CARMIL1: variants seen among roughly 807,000 people sequenced by gnomAD.
The protein encoded by CARMIL1 is capping protein regulator and myosin 1 linker 1, also known as F-actin-uncapping protein LRRC16A.
CARMIL1 carries 90 observed loss-of-function variants against 177.1 expected under a neutral mutation model. The ratio of observed to expected loss-of-function variants is 0.51; its 90% CI spans 0.43 to 0.61. The LOEUF (loss-of-function observed/expected upper bound fraction) is 0.61. Among genes scored for constraint, CARMIL1 ranks in the 20% least tolerant of loss-of-function variants. The pLI is 0.00. For missense variants in CARMIL1, 1,380 were observed against 1,667.0 expected, an observed-to-expected ratio of 0.83 and a Z score of 3.00; for synonymous variants, 577 against 606.2, an observed-to-expected ratio of 0.95 and a Z score of 0.71.
At chr6:25,449,253 AG>A (rs1798548981) in intron 5 of CARMIL1, among the ~76,000 whole-genome samples, 1 of 152,220 alleles carries the variant, frequency 6.6e-6, no homozygotes, top group Non-Finnish European at 1.5e-5. Context: ...ATAACATCTC[AG>A]AAACTGACAA....
At chr6:25,535,650 G>A (rs1021971099) in intron 24 of CARMIL1, among the ~76,000 whole-genome samples, 9 of 152,156 alleles carry the variant, frequency 5.9e-5, no homozygotes, top group Admixed American at 6.5e-5. Flanking sequence ...GTCTTCTAAC[G>A]GGGTAACCCA....
chr6:25,374,127 G>T (rs981415072), intron 2 of CARMIL1, among the ~76,000 whole-genome samples: 1 of 152,136 alleles, frequency 6.6e-6, no homozygotes, highest in African/African-American at 2.4e-5. Flanking sequence ...ATGTTAGATT[G>T]TAAGTTTGTG....
At chr6:25,586,736 C>G (rs1030681706) in intron 31 of CARMIL1, among the ~76,000 whole-genome samples, 1 of 152,116 alleles carries the variant, frequency 6.6e-6, no homozygotes, top group African/African-American at 2.4e-5. Context: ...GCAGATCACT[C>G]GCGGTCAGGA....
chr6:25,485,316 G>T (rs1388350843), intron 12 of CARMIL1, among the ~76,000 whole-genome samples: 1 of 151,886 alleles, frequency 6.6e-6, no homozygotes, highest in Non-Finnish European at 1.5e-5. Flanking sequence ...TACAAATAAG[G>T]GTCCTCCCAT....
chr6:25,567,038 C>T lies in CARMIL1; in HGVS notation c.2742+10188C>T, dbSNP rs75366794. ...CAGCCAGGTGTGGTAGCTATTTTAA[C>T]CCATTTTTCAGATGAGACTCTTAGA... On this transcript the variant is annotated intron_variant, in intron 29 of 36. Coordinates refer to ENST00000329474, the MANE Select transcript of CARMIL1 (RefSeq NM_017640.6). 9.1e-3 allele frequency among the ~76,000 whole-genome samples: 1,387 copies of T among 152,306 alleles called. 15 individuals carry two copies. The highest frequency in any genetic ancestry group is 0.03 in the African/African-American group (1,253 of 41,572).
intron 16 of CARMIL1, 58 bp downstream of exon 16, chr6:25,495,273 G>A: frequency 8.5e-7 from 1 of 1,176,644 alleles, no homozygotes; most frequent in Non-Finnish European, 1.2e-6. Flanking sequence ...TTTTACGAAT[G>A]TGCTTGAGGG....
At chr6:25,553,789 C>T (rs762330643) in intron 27 of CARMIL1, among the ~76,000 whole-genome samples, 3 of 152,114 alleles carry the variant, frequency 2.0e-5, no homozygotes, top group Non-Finnish European at 4.4e-5. Context: ...ATTGCAGAGG[C>T]AGGTTGAAAT....
At chr6:25,561,903 A>G (rs1009106598) in intron 29 of CARMIL1, among the ~76,000 whole-genome samples, 2 of 152,256 alleles carry the variant, frequency 1.3e-5, no homozygotes, top group African/African-American at 4.8e-5. Context: ...CTTTTTAACT[A>G]GTAGAAAGCA....
chr6:25,563,182 TCTTA>T, intron 29 of CARMIL1: 1 of 978,522 alleles, frequency 1.0e-6, no homozygotes, highest in Non-Finnish European at 1.2e-6. Context: ...CTAAACTCAG[TCTTA>T]CTTTTCCTCC....
Position 25,606,100 on chromosome 6 carries a change from G to A in CARMIL1, c.3674G>A (p.Gly1225Asp). ...CCAGGTCTTCCAGAGAACCGCTTTG[G>A]TTTGGGAACACCAGAAAAGAATACC... The part of the protein sequence containing the change: ...LHPGLPENRF[G>D]LGTPEKNTKA... Residue 1225 changes from glycine (G) to aspartate (D), a missense_variant, in exon 35 of 37, where the codon GGT (glycine) becomes GAT (aspartate). Coordinates refer to ENST00000329474, the MANE Select transcript of CARMIL1 (RefSeq NM_017640.6). The A allele has an allele frequency of 6.2e-7, 1 of 1,613,832 alleles. No individual in the cohort carries two copies. Among genetic ancestry groups the A allele is most frequent in the Non-Finnish European group, 8.5e-7 (1 of 1,179,866 alleles).
chr6:25,572,377 T>A (rs1350615994), intron 29 of CARMIL1, among the ~76,000 whole-genome samples: 1 of 152,074 alleles, frequency 6.6e-6, no homozygotes, highest in Non-Finnish European at 1.5e-5. Context: ...GTGTATGTAT[T>A]TGAAAAGTGT....
chr6:25,593,285 C>A (rs1814497778), intron 31 of CARMIL1, among the ~76,000 whole-genome samples: 1 of 152,154 alleles, frequency 6.6e-6, no homozygotes, highest in Non-Finnish European at 1.5e-5. Flanking sequence ...GATTTCAGCT[C>A]CTGAACAGGT....
At chr6:25,386,073 A>C (rs1354103377) in intron 2 of CARMIL1, among the ~76,000 whole-genome samples, 1 of 152,244 alleles carries the variant, frequency 6.6e-6, no homozygotes, top group African/African-American at 2.4e-5. Flanking sequence ...TGCCTCATGC[A>C]CAATGAAGGG....
chr6:25,594,482 G>A lies in CARMIL1; in HGVS notation c.3074G>A (p.Gly1025Asp). Reference protein sequence around the residue: ...QNGLMGRVDEGVDEFFTKKVT... With the variant: ...QNGLMGRVDEDVDEFFTKKVT... ...GGTCTCATGGGGAGAGTGGATGAAG[G>A]TGTAGATGAATTTTTTACCAAGAAG... The change falls in exon 32 of 37, where the codon GGT becomes GAT. Residue 1025 changes from glycine (G) to aspartate (D), a missense_variant. Coordinates refer to ENST00000329474, the MANE Select transcript of CARMIL1 (RefSeq NM_017640.6). 1.2e-6 allele frequency: 2 copies of A among 1,613,636 alleles called. No individual in the cohort carries two copies. Among genetic ancestry groups the A allele is most frequent in the African/African-American group, 1.3e-5 (1 of 75,008 alleles).
chr6:25,508,588 T>C (rs1805147698), intron 17 of CARMIL1, among the ~76,000 whole-genome samples: 1 of 152,170 alleles, frequency 6.6e-6, no homozygotes. Flanking sequence ...TGATATCGCA[T>C]CCAAAATAGG....
intron 2 of CARMIL1, 151 bp from the exon 3 acceptor site, chr6:25,419,963 G>T: frequency 1.5e-6 from 1 of 655,492 alleles, no homozygotes. Flanking sequence ...AGACCAAGAA[G>T]CTGTCCCAGC....
chr6:25,371,920 T>C (rs1790461555), intron 2 of CARMIL1, among the ~76,000 whole-genome samples: 3 of 152,288 alleles, frequency 2.0e-5, no homozygotes, highest in African/African-American at 4.8e-5. Flanking sequence ...CTTGAGTTGA[T>C]TTTTGTATAT....
chr6:25,524,297 C>T (rs962624714), intron 23 of CARMIL1, among the ~76,000 whole-genome samples: 1 of 152,158 alleles, frequency 6.6e-6, no homozygotes, highest in Admixed American at 6.5e-5. Flanking sequence ...GAATACTTCC[C>T]CTTCCTAACA....
intron 2 of CARMIL1, among the ~76,000 whole-genome samples, chr6:25,374,350 A>G (rs563927602): frequency 1.3e-5 from 2 of 152,240 alleles, no homozygotes; most frequent in African/African-American, 4.8e-5. Context: ...TTCCTTTTGG[A>G]GATGATTTCT....
Sources: allele counts gnomAD v4.1 joint callset (sites outside exome capture counted in the v4.1 genomes callset), GRCh38; gene constraint gnomAD v4.1.1; transcripts MANE v1.5; gene names NCBI Gene and HGNC (gene_info 2026-07-23, HGNC 2026-07-21).